Variants in SERPINB3 observed in about 807,000 individuals in gnomAD.
SERPINB3 encodes serpin family B member 3, also known as serpin B3.
A neutral mutation model predicts 33.0 loss-of-function variants in SERPINB3; 33 were observed. The ratio of observed to expected loss-of-function variants is 1.00; its 90% CI spans 0.76 to 1.34. The LOEUF (loss-of-function observed/expected upper bound fraction) is 1.34. Among genes scored for constraint, SERPINB3 ranks in the 40% most tolerant of loss-of-function variants. SERPINB3 has a pLI of 0.00. For missense variants in SERPINB3, 518 were observed against 461.5 expected, an observed-to-expected ratio of 1.12 and a Z score of -1.12; for synonymous variants, 200 against 170.9, an observed-to-expected ratio of 1.17 and a Z score of -1.33.
Position 63,657,365 on chromosome 18 carries a change from T to A in SERPINB3, c.517A>T (p.Thr173Ser). Reference protein sequence around the residue: ...IPEGNIGSNTTLVLVNAIYFK... With the variant: ...IPEGNIGSNTSLVLVNAIYFK... ...TAGATTGCGTTCACAAGAACCAATG[T>A]GGTATTGCTGCCAATATTACCTTCA... The change falls in exon 6 of 8, where the codon ACA becomes TCA. Residue 173 changes from threonine (T) to serine (S), a missense_variant. By Grantham distance (58) the Thr-to-Ser change is moderately conservative. Transcript: ENST00000283752. The A allele has an allele frequency of 6.2e-7, 1 of 1,610,324 alleles. No individual in the cohort carries two copies. Among genetic ancestry groups the A allele is most frequent in the Non-Finnish European group, 8.5e-7 (1 of 1,177,644 alleles).
At position 63,655,875 on chromosome 18, in the gene SERPINB3, C is replaced by G. The variant is rs577262694; in HGVS notation, c.955G>C (p.Gly319Arg). Residue 319 changes from glycine (G) to arginine (R), a missense_variant, in exon 8 of 8, where the codon GGG becomes CGG. Gly to Arg is a moderately radical substitution (Grantham distance 125). Coordinates refer to ENST00000283752, the MANE Select transcript of SERPINB3 (RefSeq NM_006919.3). ...NGDADLSGMT[G>R]SRGLVLSGVL... The stretch of plus-strand genomic sequence containing the variant: ...CCAGATAGCACGAGACCGCGGCTCC[C>G]GGTCATGCCTGAGAGGTCTGCATCC... The G allele has an allele frequency of 1.2e-6, 2 of 1,613,970 alleles. No individual in the cohort carries two copies. The highest frequency in any genetic ancestry group is 1.1e-5 in the South Asian group (1 of 91,074).
Position 63,660,914 on chromosome 18 carries a change from G to C in SERPINB3, c.166-58C>G, listed in dbSNP as rs113886171. ...TTACTCAAAAGATCTGTTTAAGTCA[G>C]TGGTCTCACAGTTACGGGAATTCCT... On this transcript the variant is annotated intron_variant, in intron 2 of 7. Coordinates refer to ENST00000283752, the MANE Select transcript of SERPINB3 (RefSeq NM_006919.3). The C allele has an allele frequency of 6.2e-5, 100 of 1,612,344 alleles. No homozygotes were observed. The African/African-American group carries it at 8.8e-4, about 14-fold the overall frequency.
In SERPINB3 at chr18:63,656,433, T is replaced by A. The variant is rs149148706; in HGVS notation, c.769-372A>T. ...TGTGTCAATTTTTAATAGGCTCATC[T>A]TATTTTTCTGTATACATTATTTAGT... On this transcript the variant is annotated intron_variant, in intron 7 of 7. Transcript: ENST00000283752. Among the ~76,000 whole-genome samples, 167 of 152,322 alleles carry A rather than the reference T, an allele frequency of 1.1e-3. 1 individual carries two copies. Among genetic ancestry groups the A allele is most frequent in the East Asian group, 8.9e-3 (46 of 5,180 alleles).
chr18:63,658,192 G>A (rs1338409465), intron 5 of SERPINB3, among the ~76,000 whole-genome samples: 1 of 152,100 alleles, frequency 6.6e-6, no homozygotes, highest in African/African-American at 2.4e-5. Flanking sequence ...TAAAATATTG[G>A]TTCTGATTTA....
In SERPINB3 at chr18:63,655,959, C is replaced by G; in HGVS notation, c.871G>C (p.Glu291Gln). The G allele has an allele frequency of 6.2e-7, 1 of 1,614,060 alleles. No homozygotes were observed. The highest frequency in any genetic ancestry group is 8.5e-7 in the Non-Finnish European group (1 of 1,179,970). Residue 291 changes from glutamate to glutamine, a missense_variant, in exon 8 of 8, where the codon GAG becomes CAG. By Grantham distance (29) the Glu-to-Gln change is conservative (BLOSUM62 2). Coordinates refer to ENST00000283752, the MANE Select transcript of SERPINB3 (RefSeq NM_006919.3). ...AACGTGTCCTTGAGGTCATAGCTCT[C>G]TTCCACTTTGAACCGAGGTAAGTGT... ...DLHLPRFKVE[E>Q]SYDLKDTLRT...
chr18:63,659,151 TACTC>T (rs1387667835), intron 4 of SERPINB3, among the ~76,000 whole-genome samples: 3 of 152,278 alleles, frequency 2.0e-5, no homozygotes, highest in South Asian at 2.1e-4. Flanking sequence ...TTATTACTCT[TACTC>T]ACTCTATTAC....
At chr18:63,656,644 T>C (rs1192746097) in intron 7 of SERPINB3, among the ~76,000 whole-genome samples, 187 bp downstream of exon 7, 1 of 152,254 alleles carries the variant, frequency 6.6e-6, no homozygotes, top group Non-Finnish European at 1.5e-5. Context: ...AATCATTAAC[T>C]ATGCCTTCAG....
At chr18:63,658,831 C>T (rs73962338) in intron 4 of SERPINB3, among the ~76,000 whole-genome samples, 7,484 of 152,136 alleles carry the variant, frequency 0.049, 613 homozygotes, top group African/African-American at 0.17. Flanking sequence ...AAGAGGTCAC[C>T]GAAGGTCAAT....
Position 63,661,242 on chromosome 18 carries a change from C to A in SERPINB3, c.-26G>T. On this transcript the variant is annotated splice_region_variant and 5_prime_UTR_variant, in exon 2 of 8. Transcript: ENST00000283752. ...GGTGAACTCGATGTGATCTGGAACT[C>A]CTGGAAAAGCATCAGATTCCTGTCA... 1 of 1,602,682 alleles carries A rather than the reference C, an allele frequency of 6.2e-7. No individual in the cohort carries two copies. Among genetic ancestry groups the A allele is most frequent in the Non-Finnish European group, 8.5e-7 (1 of 1,174,946 alleles).
At chr18:63,658,742 G>T in intron 4 of SERPINB3, 112 bp from the exon 5 acceptor site, 1 of 791,386 alleles carries the variant, frequency 1.3e-6, no homozygotes. Context: ...CTGAATAGAT[G>T]CAGTATCTCC....
chr18:63,657,012 A>AAT (rs1306462210), intron 6 of SERPINB3, 26 bp from the exon 7 acceptor site: 1 of 1,576,026 alleles, frequency 6.3e-7, no homozygotes, highest in South Asian at 1.2e-5. Flanking sequence ...GTGTCCAACA[A>AAT]ATACCAAGTG....
chr18:63,660,087 G>A (rs1317174253), intron 3 of SERPINB3, among the ~76,000 whole-genome samples: 1 of 152,076 alleles, frequency 6.6e-6, no homozygotes, highest in Non-Finnish European at 1.5e-5. Context: ...TAAGTCTTTA[G>A]TTCAATTCAG....
rs61748838 is a variant in SERPINB3, at chr18:63,655,994, C to G, written c.836G>C (p.Arg279Pro). 0.01 allele frequency: 16,768 copies of G among 1,613,874 alleles called. 1,148 individuals carry two copies. The African/African-American group carries it at 0.17, about 16-fold the overall frequency. The change falls in exon 8 of 8, where the codon CGT becomes CCT. Residue 279 changes from arginine to proline, a missense_variant. By Grantham distance (103) the Arg-to-Pro change is moderately radical. Transcript: ENST00000283752. ...GAACCGAGGTAAGTGTAAATCGACA[C>G]GTGTCTCTCTCATATTCTGCAAACT... ...WTSLQNMRET[R>P]VDLHLPRFKV...
At chr18:63,660,526 G>A (rs1019188770) in intron 3 of SERPINB3, among the ~76,000 whole-genome samples, 6 of 152,132 alleles carry the variant, frequency 3.9e-5, no homozygotes, top group Admixed American at 2.6e-4. Context: ...TCCTGCTCAT[G>A]TTCACCATTT....
chr18:63,661,341 A>T (rs1037124071), intron 1 of SERPINB3, 99 bp from the exon 2 acceptor site: 9 of 1,324,074 alleles, frequency 6.8e-6, no homozygotes, highest in Non-Finnish European at 9.3e-6. Flanking sequence ...GTGTTGTGAG[A>T]TTTTGACATT....
At chr18:63,660,675 T>G (rs1176620465) in intron 3 of SERPINB3, 125 bp downstream of exon 3, 2 of 1,172,926 alleles carry the variant, frequency 1.7e-6, no homozygotes, top group Non-Finnish European at 2.5e-6. Flanking sequence ...CCACTCTGTA[T>G]GTCTCAATCT....
chr18:63,655,462 A>G lies in SERPINB3; in HGVS notation c.*195T>C. The G allele has an allele frequency of 1.7e-6, 1 of 582,208 alleles. No individual in the cohort carries two copies. The highest frequency in any genetic ancestry group is 2.8e-6 in the Non-Finnish European group (1 of 354,222). 36.1% of individuals were successfully genotyped at this position (582,208 alleles called of 1,614,324 possible). A position where few individuals can be genotyped will look rare whatever the true frequency, so the allele number is the denominator to read the frequency against. On this transcript the variant is annotated 3_prime_UTR_variant, in exon 8 of 8. Coordinates refer to ENST00000283752, the MANE Select transcript of SERPINB3 (RefSeq NM_006919.3). ...AGAATTTTTCTGGAAGAAAAAGTACATTTATATGTGGGCTTATTAAGAGAA... is the reference window on the plus strand; with the variant it reads ...AGAATTTTTCTGGAAGAAAAAGTACGTTTATATGTGGGCTTATTAAGAGAA...
chr18:63,658,360 T>A (rs1308874311), intron 5 of SERPINB3, among the ~76,000 whole-genome samples, 153 bp downstream of exon 5: 1 of 152,100 alleles, frequency 6.6e-6, no homozygotes. Flanking sequence ...CTCTTCATAA[T>A]CATTTGGAAA....
chr18:63,657,539 T>A (rs1913529794), intron 5 of SERPINB3, 127 bp from the exon 6 acceptor site: 1 of 758,282 alleles, frequency 1.3e-6, no homozygotes, highest in Non-Finnish European at 2.0e-6. Flanking sequence ...CTCACTGACT[T>A]TGATCTTTGA....
Sources: gnomAD v4.1 joint callset for allele counts (sites outside exome capture counted in the v4.1 genomes callset) on GRCh38, gnomAD v4.1.1 for gene constraint, MANE v1.5 for transcripts, NCBI Gene and HGNC (gene_info 2026-07-23, HGNC 2026-07-21) for gene names.